MDGA2: variants seen among roughly 807,000 people sequenced by gnomAD.
The protein encoded by MDGA2 is MAM domain-containing glycosylphosphatidylinositol anchor protein 2.
A neutral mutation model predicts 117.8 loss-of-function variants in MDGA2; 40 were observed. The ratio of observed to expected loss-of-function variants is 0.34; its 90% CI spans 0.26 to 0.44. The LOEUF (loss-of-function observed/expected upper bound fraction) is 0.44. Among genes scored for constraint, MDGA2 ranks in the 20% least tolerant of loss-of-function variants. The pLI is 1.00. For missense variants in MDGA2, 1,123 were observed against 1,250.6 expected (o/e 0.90, Z 1.54); for synonymous variants, 452 against 439.0 (o/e 1.03, Z -0.37).
chr14:47,561,951 T>TA (rs1031177158), intron 1 of MDGA2, among the ~76,000 whole-genome samples: 1 of 152,232 alleles, frequency 6.6e-6, no homozygotes, highest in African/African-American at 2.4e-5. Flanking sequence ...TGTTGAAATT[T>TA]ACCAAAAACC....
At chr14:47,012,984 T>C (rs1887948609) in intron 8 of MDGA2, among the ~76,000 whole-genome samples, 1 of 152,174 alleles carries the variant, frequency 6.6e-6, no homozygotes. Context: ...TTCATCGAGT[T>C]GTACTCTTTT....
At chr14:47,573,933 CT>C (rs1486256833) in intron 1 of MDGA2, among the ~76,000 whole-genome samples, 1 of 152,050 alleles carries the variant, frequency 6.6e-6, no homozygotes. Flanking sequence ...AAAAAAAATA[CT>C]TTCAATTCTA....
At chr14:47,087,007 AT>A (rs1890925701) in intron 6 of MDGA2, among the ~76,000 whole-genome samples, 1 of 152,180 alleles carries the variant, frequency 6.6e-6, no homozygotes, top group South Asian at 2.1e-4. Context: ...TAGAGCAGAA[AT>A]TTTTAAAATA....
chr14:47,411,806 G>A lies in MDGA2; in HGVS notation c.281-110256C>T, dbSNP rs763390857. Among the ~76,000 whole-genome samples, 7 of 152,206 alleles carry A rather than the reference G, an allele frequency of 4.6e-5. No individual in the cohort carries two copies. The East Asian group carries it at 5.8e-4, about 13-fold the overall frequency. ...TTCTAAAATGGATCATCAGGCATCC[G>A]TTCCTATATTGGAACAGGGGCCCTA... On this transcript the variant is annotated intron_variant, in intron 1 of 16. Coordinates refer to ENST00000399232, the MANE Select transcript of MDGA2 (RefSeq NM_001113498.3).
chr14:46,852,801 T>C (rs1343520062), intron 15 of MDGA2, among the ~76,000 whole-genome samples: 3 of 151,836 alleles, frequency 2.0e-5, no homozygotes, highest in East Asian at 1.9e-4. Context: ...TAAGAAATCT[T>C]AAAAGCAACA....
intron 1 of MDGA2, among the ~76,000 whole-genome samples, chr14:47,516,367 C>T (rs1173025885): frequency 1.3e-5 from 2 of 152,136 alleles, no homozygotes; most frequent in Non-Finnish European, 2.9e-5. Flanking sequence ...ATTTCTTTCA[C>T]CAGTAGCCCC....
chr14:47,053,658 CACACACACACACATATATATAT>C (rs1426193481), intron 7 of MDGA2, among the ~76,000 whole-genome samples: 18 of 105,742 alleles, frequency 1.7e-4, no homozygotes, highest in African/African-American at 5.1e-4. Context: ...TATATATACA[CACACACACACACATATATATAT>C]ACACACACAC....
intron 2 of MDGA2, among the ~76,000 whole-genome samples, chr14:47,265,033 A>G (rs1045446098): frequency 5.3e-5 from 8 of 152,158 alleles, no homozygotes; most frequent in African/African-American, 1.9e-4. Flanking sequence ...TCTCTAAACA[A>G]ATGAAACCAA....
chr14:47,476,808 A>G (rs1893850926), intron 1 of MDGA2, among the ~76,000 whole-genome samples: 1 of 152,256 alleles, frequency 6.6e-6, no homozygotes, highest in African/African-American at 2.4e-5. Context: ...ACTGAAAGCC[A>G]GTTCTGACAT....
At chr14:47,477,260 G>T (rs1001291157) in intron 1 of MDGA2, among the ~76,000 whole-genome samples, 1 of 152,164 alleles carries the variant, frequency 6.6e-6, no homozygotes, top group Non-Finnish European at 1.5e-5. Flanking sequence ...TATTCAATCA[G>T]TATTCAATAA....
At chr14:47,106,698 A>G (rs536788949) in intron 5 of MDGA2, among the ~76,000 whole-genome samples, 105 of 151,852 alleles carry the variant, frequency 6.9e-4, no homozygotes, top group African/African-American at 1.9e-3. Context: ...AGACCATCAC[A>G]GACGCCGAGC....
intron 1 of MDGA2, among the ~76,000 whole-genome samples, chr14:47,453,460 G>C (rs1313387781): frequency 6.6e-6 from 1 of 152,104 alleles, no homozygotes; most frequent in South Asian, 2.1e-4. Context: ...TTGTTACTCA[G>C]TGAAAGATAA....
At chr14:47,425,825 G>T (rs1317442518) in intron 1 of MDGA2, among the ~76,000 whole-genome samples, 5 of 151,798 alleles carry the variant, frequency 3.3e-5, no homozygotes, top group African/African-American at 1.2e-4. Context: ...TTTCCTTTAT[G>T]TAAAAGTCTT....
chr14:46,965,340 C>T (rs58199846), intron 8 of MDGA2, among the ~76,000 whole-genome samples: 17,891 of 152,030 alleles, frequency 0.12, 2,016 homozygotes, highest in African/African-American at 0.27. Flanking sequence ...ATGTCATTTG[C>T]CCACACCTGA....
intron 1 of MDGA2, among the ~76,000 whole-genome samples, chr14:47,579,209 T>G (rs536797771): frequency 1.3e-5 from 2 of 152,108 alleles, no homozygotes; most frequent in African/African-American, 4.8e-5. Flanking sequence ...GATCAAGTTT[T>G]TGTAGTAAAG....
In MDGA2 at chr14:47,459,759, C is replaced by T. The variant is rs189935558; in HGVS notation, c.281-158209G>A. On this transcript the variant is annotated intron_variant, in intron 1 of 16. Transcript: ENST00000399232. ...ATTCTCTGTCTCAAACACTATTAGT[C>T]TTATCAAAATTGTTATGGAATTAAT... is the stretch of plus-strand genomic sequence containing the variant. Among the ~76,000 whole-genome samples the T allele has an allele frequency of 4.6e-5, 7 of 152,128 alleles. No homozygotes were observed. The East Asian group carries it at 1.4e-3, about 29-fold the overall frequency.
chr14:47,556,852 T>A (rs905263375), intron 1 of MDGA2, among the ~76,000 whole-genome samples: 1 of 152,242 alleles, frequency 6.6e-6, no homozygotes, highest in Admixed American at 6.5e-5. Context: ...AGTATCTTTA[T>A]GTGGTGTTTG....
intron 1 of MDGA2, among the ~76,000 whole-genome samples, chr14:47,424,832 G>T (rs533053876): frequency 6.6e-6 from 1 of 152,110 alleles, no homozygotes; most frequent in Non-Finnish European, 1.5e-5. Context: ...CCATTGCCTA[G>T]CTATGGATAA....
intron 8 of MDGA2, among the ~76,000 whole-genome samples, chr14:47,023,230 AAG>A (rs1888358290): frequency 4.6e-5 from 7 of 151,980 alleles, no homozygotes. Context: ...AAAAGAAAGA[AAG>A]AAAAAAGTTC....
Sources: gnomAD v4.1 joint callset for allele counts (sites outside exome capture counted in the v4.1 genomes callset) on GRCh38, gnomAD v4.1.1 for gene constraint, MANE v1.5 for transcripts, NCBI Gene and HGNC (gene_info 2026-07-23, HGNC 2026-07-21) for gene names.